The following PTPN4 variants were observed in gnomAD, a reference collection of about 807,000 sequenced individuals.
The protein encoded by PTPN4 is protein tyrosine phosphatase non-receptor type 4.
PTPN4 carries 49 observed loss-of-function variants against 135.5 expected under a neutral mutation model. The observed-to-expected ratio is 0.36, with a 90% CI of 0.29 to 0.46. PTPN4 has a LOEUF of 0.46. PTPN4 is among the 20% of genes least tolerant of loss of function. PTPN4 has a pLI of 1.00. For synonymous variants in PTPN4, 333 were observed against 369.9 expected (o/e 0.90, Z 1.14); for missense variants, 860 against 1,101.0 (o/e 0.78, Z 3.10).
At chr2:119,764,515 A>G (rs1690571129) in intron 1 of PTPN4, among the ~76,000 whole-genome samples, 1 of 152,178 alleles carries the variant, frequency 6.6e-6, no homozygotes, top group Admixed American at 6.5e-5. Flanking sequence ...ACCTTTTTCA[A>G]AATTCACCTG....
At chr2:119,963,350 C>T (rs1003803548) in intron 24 of PTPN4, among the ~76,000 whole-genome samples, 2 of 152,164 alleles carry the variant, frequency 1.3e-5, no homozygotes, top group Non-Finnish European at 2.9e-5. Context: ...ATGTAGAGAG[C>T]GTCATGCTGC....
At chr2:119,804,603 GTGAA>G (rs1691435119) in intron 1 of PTPN4, among the ~76,000 whole-genome samples, 1 of 152,090 alleles carries the variant, frequency 6.6e-6, no homozygotes, top group South Asian at 2.1e-4. Context: ...TGCAAAGGAC[GTGAA>G]CTCATCCTTT....
chr2:119,926,852 G>C (rs1678832019), intron 13 of PTPN4, among the ~76,000 whole-genome samples, 186 bp downstream of exon 13: 1 of 151,928 alleles, frequency 6.6e-6, no homozygotes, highest in Non-Finnish European at 1.5e-5. Flanking sequence ...CTAGTTTATT[G>C]ATTCATTTTT....
chr2:119,976,859 T>C (rs1679625168), intron 26 of PTPN4, 125 bp from the exon 27 acceptor site: 1 of 1,460,262 alleles, frequency 6.8e-7, no homozygotes, highest in Non-Finnish European at 9.0e-7. Flanking sequence ...ATGGTATCTT[T>C]ATGCAGTTTT....
chr2:119,803,923 G>A (rs1691420651), intron 1 of PTPN4, among the ~76,000 whole-genome samples: 1 of 151,458 alleles, frequency 6.6e-6, no homozygotes, highest in African/African-American at 2.4e-5. Context: ...AATTTTATTT[G>A]TTCCCAAGTC....
intron 13 of PTPN4, among the ~76,000 whole-genome samples, chr2:119,931,301 A>C (rs755868701): frequency 9.9e-5 from 15 of 152,010 alleles, no homozygotes; most frequent in Non-Finnish European, 1.9e-4. Context: ...AATTTTGTCT[A>C]TTATCTGAAT....
rs145891921 is a variant in PTPN4 at position 119,764,205 on chromosome 2, A to G, written c.-18+3821A>G. 3.6e-3 allele frequency among the ~76,000 whole-genome samples: 552 copies of G among 152,300 alleles called. 3 individuals carry two copies. Among genetic ancestry groups the G allele is most frequent in the African/African-American group, 0.013 (529 of 41,552 alleles). ...ATAGTGGATTATTCCCCACCTCCCC[A>G]ACTGTTCGGCAAAAACATTGTGTAA... On this transcript the variant is annotated intron_variant, in intron 1 of 26. Transcript: ENST00000263708.
rs143277607 is a variant in PTPN4, at chr2:119,832,556, A to G, written c.138+22565A>G. Among the ~76,000 whole-genome samples, 12 of 152,062 alleles carry G rather than the reference A, an allele frequency of 7.9e-5. No individual in the cohort carries two copies. In the East Asian group the frequency reaches 2.3e-3, roughly 29 times the overall value. On this transcript the variant is annotated intron_variant, in intron 2 of 26. Coordinates refer to ENST00000263708, the MANE Select transcript of PTPN4 (RefSeq NM_002830.4). ...CTAGAAATTTTATAATTGTGCTTTA[A>G]ATTTATATTGAATTTTTCTGTATGA... is the stretch of plus-strand genomic sequence containing the variant.
At chr2:119,869,150 A>C (rs1194570942) in intron 3 of PTPN4, among the ~76,000 whole-genome samples, 1 of 152,234 alleles carries the variant, frequency 6.6e-6, no homozygotes, top group Non-Finnish European at 1.5e-5. Flanking sequence ...AGAGTAGAAC[A>C]CTATATGGTT....
At chr2:119,909,037 A>C (rs1678530187) in intron 10 of PTPN4, among the ~76,000 whole-genome samples, 1 of 152,166 alleles carries the variant, frequency 6.6e-6, no homozygotes, top group African/African-American at 2.4e-5. Flanking sequence ...GTTTGAAGCT[A>C]GTGCAGGTTG....
chr2:119,924,626 A>G (rs1289590943), intron 12 of PTPN4, among the ~76,000 whole-genome samples: 1 of 152,178 alleles, frequency 6.6e-6, no homozygotes, highest in Non-Finnish European at 1.5e-5. Context: ...AAACTGGAAC[A>G]GTTTTTCATT....
chr2:119,836,704 G>C (rs968943708), intron 2 of PTPN4, among the ~76,000 whole-genome samples: 1 of 152,258 alleles, frequency 6.6e-6, no homozygotes. Flanking sequence ...TGCAGGCTTG[G>C]AAGTACCTGC....
intron 26 of PTPN4, among the ~76,000 whole-genome samples, chr2:119,974,063 C>T (rs1222117342): frequency 6.6e-6 from 1 of 152,114 alleles, no homozygotes; most frequent in East Asian, 1.9e-4. Context: ...GATTCTTTCC[C>T]TTTATCTATA....
intron 2 of PTPN4, among the ~76,000 whole-genome samples, chr2:119,833,363 T>C (rs1677246513): frequency 6.6e-6 from 1 of 152,196 alleles, no homozygotes; most frequent in South Asian, 2.1e-4. Context: ...TAATGGTCTC[T>C]TGGTGTATCT....
chr2:119,768,897 T>C (rs1690686215), intron 1 of PTPN4, among the ~76,000 whole-genome samples: 1 of 152,248 alleles, frequency 6.6e-6, no homozygotes, highest in Non-Finnish European at 1.5e-5. Flanking sequence ...TCTGTGTCTT[T>C]AGGCATGTTA....
intron 1 of PTPN4, among the ~76,000 whole-genome samples, chr2:119,787,926 AT>A (rs1691075191): frequency 6.6e-6 from 1 of 152,186 alleles, no homozygotes; most frequent in Non-Finnish European, 1.5e-5. Context: ...AGTATTAGAC[AT>A]TTTAGGCACT....
intron 25 of PTPN4, among the ~76,000 whole-genome samples, chr2:119,966,550 G>A (rs781259598): frequency 1.3e-5 from 2 of 152,086 alleles, no homozygotes; most frequent in African/African-American, 2.4e-5. Context: ...GAGCCACCGC[G>A]CCTCACCGGT....
rs949869873 is a variant in PTPN4 at position 119,760,077 on chromosome 2, T to C, written c.-325T>C. ...TGGCTTTGGCCGCGGGGTCGGAGGA[T>C]TGGGGCCAGGCCCCCTCCCCCACGC... On this transcript the variant is annotated 5_prime_UTR_variant, in exon 1 of 27. Transcript: ENST00000263708. The C allele has an allele frequency of 7.0e-5, 27 of 383,650 alleles. No individual in the cohort carries two copies. Among genetic ancestry groups the C allele is most frequent in the Admixed American group, 1.4e-4 (3 of 22,196 alleles). 23.8% of individuals were successfully genotyped at this position (383,650 alleles called of 1,614,324 possible).
intron 3 of PTPN4, among the ~76,000 whole-genome samples, chr2:119,875,949 TTGGTA>T (rs1356738664): frequency 2.6e-5 from 4 of 152,182 alleles, no homozygotes; most frequent in Non-Finnish European, 1.5e-5. Context: ...CGACATACTT[TTGGTA>T]GGGTGGTCAG....
Sources: gnomAD v4.1 joint callset for allele counts (sites outside exome capture counted in the v4.1 genomes callset) on GRCh38, gnomAD v4.1.1 for gene constraint, MANE v1.5 for transcripts, NCBI Gene and HGNC (gene_info 2026-07-23, HGNC 2026-07-21) for gene names.